BBS9: variants seen among roughly 807,000 people sequenced by gnomAD.
The protein encoded by BBS9 is protein PTHB1.
In BBS9, 89 loss-of-function variants were observed where a neutral mutation model predicts 117.7. That is an observed-to-expected ratio of 0.76 (90% CI 0.64 to 0.90). BBS9 has a LOEUF of 0.90. BBS9 is among the 40% of genes least tolerant of loss of function. BBS9 has a pLI of 0.00. For missense variants in BBS9, 982 were observed against 1,042.2 expected (o/e 0.94, Z 0.80); for synonymous variants, 379 against 370.9 (o/e 1.02, Z -0.25).
At chr7:33,501,466 A>G (rs1845427927) in intron 19 of BBS9, among the ~76,000 whole-genome samples, 1 of 152,222 alleles carries the variant, frequency 6.6e-6, no homozygotes, top group Non-Finnish European at 1.5e-5. Flanking sequence ...ACAATGGCAC[A>G]GGAATATATC....
rs534817046 is a variant in BBS9 at position 33,489,857 on chromosome 7, C to T, written c.2116-15606C>T. Among the ~76,000 whole-genome samples, 221 of 152,180 alleles carry T rather than the reference C, an allele frequency of 1.5e-3. 1 individual carries two copies. The highest frequency in any genetic ancestry group is 2.3e-3 in the Non-Finnish European group (154 of 67,994). On this transcript the variant is annotated intron_variant, in intron 19 of 22. Transcript: ENST00000242067. ...ATCCCCAGAATTAAAATTTCTTCTC[C>T]GGATGGTTTGTGTGATACTTGTTAT...
intron 9 of BBS9, among the ~76,000 whole-genome samples, chr7:33,298,431 G>A (rs34213032): frequency 0.14 from 21,771 of 152,116 alleles, 1,843 homozygotes; most frequent in Non-Finnish European, 0.18. Flanking sequence ...ATGACATTAT[G>A]TATGTTGTAG....
intron 21 of BBS9, among the ~76,000 whole-genome samples, chr7:33,551,127 A>G (rs1854345266): frequency 6.6e-6 from 1 of 152,176 alleles, no homozygotes. Context: ...GCTCTAAGAT[A>G]TTTTTAGCAT....
intron 19 of BBS9, among the ~76,000 whole-genome samples, chr7:33,417,071 A>G (rs1231545364): frequency 1.3e-5 from 2 of 152,190 alleles, no homozygotes; most frequent in Non-Finnish European, 2.9e-5. Context: ...TGAGATATGC[A>G]CCCCAATAGC....
intron 19 of BBS9, among the ~76,000 whole-genome samples, chr7:33,478,317 G>A (rs1284295807): frequency 6.6e-6 from 1 of 152,094 alleles, no homozygotes; most frequent in Non-Finnish European, 1.5e-5. Flanking sequence ...TTGGGCCCAG[G>A]TTATAAACCT....
intron 16 of BBS9, among the ~76,000 whole-genome samples, chr7:33,362,805 G>A (rs185934036): frequency 6.6e-6 from 1 of 152,172 alleles, no homozygotes; most frequent in Admixed American, 6.5e-5. Flanking sequence ...TGGCTGTTGG[G>A]ATTTTGATTG....
chr7:33,318,552 A>G (rs925951735), intron 9 of BBS9, among the ~76,000 whole-genome samples: 1 of 152,034 alleles, frequency 6.6e-6, no homozygotes, highest in Non-Finnish European at 1.5e-5. Context: ...TGGCTACTTT[A>G]CTTTTTAAAT....
At chr7:33,251,207 T>C (rs1796167660) in intron 5 of BBS9, among the ~76,000 whole-genome samples, 1 of 152,172 alleles carries the variant, frequency 6.6e-6, no homozygotes, top group Non-Finnish European at 1.5e-5. Flanking sequence ...CATGGCTCTC[T>C]CTTAACTGCT....
At chr7:33,170,571 C>G (rs1796387599) in intron 4 of BBS9, among the ~76,000 whole-genome samples, 1 of 150,966 alleles carries the variant, frequency 6.6e-6, no homozygotes, top group African/African-American at 2.4e-5. Flanking sequence ...CTCACCACTC[C>G]TATTCAGCAT....
intron 16 of BBS9, among the ~76,000 whole-genome samples, chr7:33,364,419 AT>A (rs1237908997): frequency 6.6e-6 from 1 of 151,928 alleles, no homozygotes; most frequent in African/African-American, 2.4e-5. Context: ...ATATCTGGAT[AT>A]TTATACTTCT....
chr7:33,401,512 T>G (rs980179193), intron 19 of BBS9, among the ~76,000 whole-genome samples: 29 of 148,242 alleles, frequency 2.0e-4, no homozygotes, highest in Admixed American at 4.1e-4. Context: ...AACCAATACA[T>G]GTAAGATGTT....
chr7:33,217,207 T>G (rs900661897), intron 5 of BBS9, among the ~76,000 whole-genome samples: 1 of 151,690 alleles, frequency 6.6e-6, no homozygotes, highest in Non-Finnish European at 1.5e-5. Context: ...AAAATATATT[T>G]AAATGTATTT....
chr7:33,587,626 A>G (rs917410365), intron 21 of BBS9, among the ~76,000 whole-genome samples: 4 of 152,226 alleles, frequency 2.6e-5, no homozygotes, highest in South Asian at 2.1e-4. Context: ...GGTTAGTCCA[A>G]TTGTTTGACA....
At position 33,389,753 on chromosome 7, in the gene BBS9, C is replaced by T. The variant is rs528264846; in HGVS notation, c.2115+1609C>T. ...TGAAAATTAGCAGCAATTTAAAGGA[C>T]AGTCTATAGTAGCAGTGGAATATTG... is the stretch of plus-strand genomic sequence containing the variant. On this transcript the variant is annotated intron_variant, in intron 19 of 22. Transcript: ENST00000242067. 2.1e-3 allele frequency among the ~76,000 whole-genome samples: 294 copies of T among 142,682 alleles called. 3 individuals carry two copies. Among genetic ancestry groups the T allele is most frequent in the Middle Eastern group, 0.02 (5 of 246 alleles). 93.6% of individuals were successfully genotyped at this position (142,682 alleles called of 152,430 possible).
intron 6 of BBS9, among the ~76,000 whole-genome samples, chr7:33,261,534 A>G (rs1797983378): frequency 6.6e-6 from 1 of 152,216 alleles, no homozygotes; most frequent in Non-Finnish European, 1.5e-5. Flanking sequence ...TTCCATTTCT[A>G]GTAAAGTTCT....
intron 16 of BBS9, among the ~76,000 whole-genome samples, chr7:33,365,206 C>A (rs1408725199): frequency 1.1e-4 from 16 of 151,550 alleles, no homozygotes. Context: ...TCATTGTGTT[C>A]TTTTGGTAGG....
chr7:33,532,900 A>G (rs1432119802), intron 20 of BBS9, among the ~76,000 whole-genome samples: 1 of 152,110 alleles, frequency 6.6e-6, no homozygotes, highest in South Asian at 2.1e-4. Context: ...GTCGTTCTTT[A>G]TAATTGTATT....
chr7:33,215,718 G>A (rs1016955285), intron 5 of BBS9, among the ~76,000 whole-genome samples: 1 of 152,022 alleles, frequency 6.6e-6, no homozygotes, highest in Non-Finnish European at 1.5e-5. Context: ...AATGGAACTG[G>A]GAGTCCTTGT....
At chr7:33,604,421 C>T (rs1281962788) in intron 21 of BBS9, among the ~76,000 whole-genome samples, 2 of 152,118 alleles carry the variant, frequency 1.3e-5, no homozygotes, top group Non-Finnish European at 2.9e-5. Flanking sequence ...CCACAACCAC[C>T]GTCCCAGAAC....
Sources: gnomAD v4.1 joint callset for allele counts (sites outside exome capture counted in the v4.1 genomes callset) on GRCh38, gnomAD v4.1.1 for gene constraint, MANE v1.5 for transcripts, NCBI Gene and HGNC (gene_info 2026-07-23, HGNC 2026-07-21) for gene names.